DPYD: variants seen among roughly 807,000 people sequenced by gnomAD.
DPYD encodes the protein dihydropyrimidine dehydrogenase [NADP(+)].
A neutral mutation model predicts 116.2 loss-of-function variants in DPYD; 109 were observed. The observed-to-expected ratio is 0.94, with a 90% CI of 0.80 to 1.10. DPYD has a LOEUF of 1.10. Ranked by LOEUF, DPYD falls within the 50% of genes least tolerant of loss-of-function variation. DPYD has a pLI of 0.00. For missense variants in DPYD, 1,302 were observed against 1,254.5 expected, an observed-to-expected ratio of 1.04 and a Z score of -0.57; for synonymous variants, 440 against 432.0, an observed-to-expected ratio of 1.02 and a Z score of -0.23.
intron 20 of DPYD, among the ~76,000 whole-genome samples, chr1:97,137,835 G>C (rs1482564396): frequency 2.6e-5 from 4 of 151,956 alleles, no homozygotes; most frequent in African/African-American, 4.8e-5. Context: ...CTACACAATT[G>C]TAAAAATGGG....
At chr1:97,874,399 T>C (rs1571509976) in intron 2 of DPYD, among the ~76,000 whole-genome samples, 1 of 152,054 alleles carries the variant, frequency 6.6e-6, no homozygotes, top group Non-Finnish European at 1.5e-5. Context: ...ATCATGAACA[T>C]TTATGCCACT....
chr1:97,091,530 G>C (rs1173487477), intron 21 of DPYD, among the ~76,000 whole-genome samples: 1 of 152,142 alleles, frequency 6.6e-6, no homozygotes, highest in Non-Finnish European at 1.5e-5. Context: ...TGTGCAGACA[G>C]AAAATGACTT....
At chr1:97,885,204 T>C (rs1377972405) in intron 1 of DPYD, among the ~76,000 whole-genome samples, 2 of 152,068 alleles carry the variant, frequency 1.3e-5, no homozygotes, top group Non-Finnish European at 2.9e-5. Context: ...TCCATGATTC[T>C]TTAAAAATTA....
chr1:97,150,490 C>T lies in DPYD; in HGVS notation c.2622+42579G>A, dbSNP rs902859672. 2.6e-5 allele frequency among the ~76,000 whole-genome samples: 4 copies of T among 152,254 alleles called. No homozygotes were observed. In the East Asian group the frequency reaches 5.8e-4, roughly 22 times the overall value. Reference sequence around the variant, plus strand: ...TTTCTCACTATTACTATTATTTTCACGTAGGTAAAATATAATTTGCTTGGG... The same window carrying T: ...TTTCTCACTATTACTATTATTTTCATGTAGGTAAAATATAATTTGCTTGGG... On this transcript the variant is annotated intron_variant, in intron 20 of 22. Coordinates refer to ENST00000370192, the MANE Select transcript of DPYD (RefSeq NM_000110.4).
rs143146566 is a variant in DPYD, at chr1:97,225,439, G to C, written c.2442+9413C>G. On this transcript the variant is annotated intron_variant, in intron 19 of 22. Coordinates refer to ENST00000370192, the MANE Select transcript of DPYD (RefSeq NM_000110.4). ...GTTCTTTACTCAAAGATATTTACTC[G>C]GGTTCTTTATTCAAAGAATATTAAC... is the stretch of plus-strand genomic sequence containing the variant. Among the ~76,000 whole-genome samples, 12 of 151,598 alleles carry C rather than the reference G, an allele frequency of 7.9e-5. No homozygotes were observed. The East Asian group carries it at 2.3e-3, about 29-fold the overall frequency.
intron 8 of DPYD, among the ~76,000 whole-genome samples, chr1:97,612,744 C>T (rs1348217520): frequency 6.6e-6 from 1 of 151,954 alleles, no homozygotes; most frequent in Admixed American, 6.6e-5. Context: ...TCCAAAACCT[C>T]AGGACAAATT....
chr1:97,493,936 G>C (rs565831543), intron 13 of DPYD, among the ~76,000 whole-genome samples: 1 of 152,170 alleles, frequency 6.6e-6, no homozygotes, highest in Non-Finnish European at 1.5e-5. Context: ...TTGAGTATCT[G>C]CTGTGTTCAA....
At chr1:97,469,665 A>G (rs1290370402) in intron 13 of DPYD, among the ~76,000 whole-genome samples, 1 of 152,168 alleles carries the variant, frequency 6.6e-6, no homozygotes, top group Admixed American at 6.5e-5. Flanking sequence ...ACAACTTAGA[A>G]TGTAGATACT....
chr1:97,192,812 T>A (rs1420198947), intron 20 of DPYD, among the ~76,000 whole-genome samples: 1 of 152,152 alleles, frequency 6.6e-6, no homozygotes, highest in Non-Finnish European at 1.5e-5. Flanking sequence ...TAAGCAAGAA[T>A]TTGGAGGCAC....
At chr1:97,289,165 T>C (rs1255839145) in intron 18 of DPYD, among the ~76,000 whole-genome samples, 2 of 152,060 alleles carry the variant, frequency 1.3e-5, no homozygotes, top group Non-Finnish European at 2.9e-5. Context: ...AATAGAGCAA[T>C]AACAGGCTCT....
intron 12 of DPYD, among the ~76,000 whole-genome samples, chr1:97,529,662 TTTC>T (rs927906599): frequency 3.3e-5 from 5 of 150,598 alleles, no homozygotes; most frequent in Admixed American, 6.6e-5. Flanking sequence ...CCTTCCTTTT[TTTC>T]TTTTCTCTTT....
At chr1:97,548,336 T>G (rs2811163) in intron 12 of DPYD, among the ~76,000 whole-genome samples, 2 of 152,126 alleles carry the variant, frequency 1.3e-5, no homozygotes, top group African/African-American at 4.8e-5. Flanking sequence ...GTAGTTACAC[T>G]TTTCTTCCTC....
intron 16 of DPYD, among the ~76,000 whole-genome samples, chr1:97,342,033 A>T (rs1308560179): frequency 6.6e-6 from 1 of 152,226 alleles, no homozygotes; most frequent in Non-Finnish European, 1.5e-5. Flanking sequence ...AGTGAGAAGA[A>T]ATAAACTGGG....
At chr1:97,578,897 G>C (rs1296257019) in intron 10 of DPYD, among the ~76,000 whole-genome samples, 1 of 151,316 alleles carries the variant, frequency 6.6e-6, no homozygotes, top group Non-Finnish European at 1.5e-5. Context: ...AGTAAATTTA[G>C]AACAAAAAAA....
intron 19 of DPYD, among the ~76,000 whole-genome samples, chr1:97,213,355 T>C (rs1660171828): frequency 6.6e-6 from 1 of 152,140 alleles, no homozygotes; most frequent in African/African-American, 2.4e-5. Context: ...ACCATGATAA[T>C]TTTTTTATTA....
chr1:97,275,080 G>A (rs1664850129), intron 18 of DPYD, among the ~76,000 whole-genome samples: 2 of 152,076 alleles, frequency 1.3e-5, no homozygotes, highest in Admixed American at 6.6e-5. Flanking sequence ...AGAAGCAAGA[G>A]CAACCTTGGC....
intron 20 of DPYD, among the ~76,000 whole-genome samples, chr1:97,163,925 T>A (rs535775355): frequency 1.3e-5 from 2 of 152,172 alleles, no homozygotes; most frequent in African/African-American, 4.8e-5. Flanking sequence ...GTTCATAGAG[T>A]TCAATCATTA....
chr1:97,193,210 G>A lies in DPYD; in HGVS notation c.2481C>T (p.Ile827=), dbSNP rs759147254. The change falls in exon 20 of 23, where the codon ATC becomes ATT. Residue 827 remains isoleucine (I), a synonymous_variant. Transcript: ENST00000370192. ...SAIQNQDFTV[I]EDYCTGLKAL... ...CTTTGAGGCCAGTGCAGTAGTCTTC[G>A]ATCACAGTGAAATCCTGATTCTGAA... 1.2e-6 allele frequency: 2 copies of A among 1,613,720 alleles called. No homozygotes were observed. Among genetic ancestry groups the A allele is most frequent in the South Asian group, 1.1e-5 (1 of 91,030 alleles).
At chr1:97,240,158 T>A (rs1662233552) in intron 18 of DPYD, among the ~76,000 whole-genome samples, 1 of 152,016 alleles carries the variant, frequency 6.6e-6, no homozygotes, top group African/African-American at 2.4e-5. Flanking sequence ...AGCTGTCATT[T>A]AGCAGTGTCA....
Sources: gnomAD v4.1 joint callset for allele counts (sites outside exome capture counted in the v4.1 genomes callset) on GRCh38, gnomAD v4.1.1 for gene constraint, MANE v1.5 for transcripts, NCBI Gene and HGNC (gene_info 2026-07-23, HGNC 2026-07-21) for gene names.